The following DEPDC1B variants were observed in gnomAD, a reference collection of about 807,000 sequenced individuals.
The protein encoded by DEPDC1B is DEP domain-containing protein 1B.
In DEPDC1B, 51 loss-of-function variants were observed where a neutral mutation model predicts 66.5. The observed-to-expected ratio is 0.77, with a 90% confidence interval of 0.61 to 0.97. The LOEUF is 0.97. Among genes scored for constraint, DEPDC1B ranks in the 50% least tolerant of loss-of-function variants. The pLI is 0.00. For synonymous variants in DEPDC1B, 226 were observed against 223.6 expected (o/e 1.01, Z -0.10); for missense variants, 552 against 637.1 (o/e 0.87, Z 1.44).
In DEPDC1B at chr5:60,603,568, C is replaced by A; in HGVS notation, c.1066-1G>T. On this transcript the variant is annotated splice_acceptor_variant, in intron 8 of 10. Transcript: ENST00000265036. LOFTEE classifies it high-confidence loss of function. ...TGCAACGGGAAAATGTCTGAACCAT[C>A]TAAAAAAAGAGCGGGGTGGGGGGTA... The A allele has an allele frequency of 1.9e-6, 3 of 1,582,938 alleles. No individual in the cohort carries two copies. The highest frequency in any genetic ancestry group is 1.9e-5 in the Admixed American group (1 of 52,164).
chr5:60,691,380 C>G (rs1480945153), intron 1 of DEPDC1B, among the ~76,000 whole-genome samples: 1 of 152,044 alleles, frequency 6.6e-6, no homozygotes, highest in East Asian at 1.9e-4. Flanking sequence ...TAACCAACTT[C>G]TCAACCTCAA....
rs1561383814 is a variant in DEPDC1B at position 60,667,614 on chromosome 5, T to TG, written c.314+19347_314+19348insC. Reference sequence around the variant, plus strand: ...TAAAAATGGATATTTTACATATATATAAAAAATGGATATTTTACATATATG... The same window carrying TG: ...TAAAAATGGATATTTTACATATATATGAAAAAATGGATATTTTACATATATG... On this transcript the variant is annotated intron_variant, in intron 2 of 10. Coordinates refer to ENST00000265036, the MANE Select transcript of DEPDC1B (RefSeq NM_018369.3). Among the ~76,000 whole-genome samples the TG allele has an allele frequency of 2.2e-4, 31 of 141,826 alleles. 2 individuals are homozygous for TG. Among genetic ancestry groups the TG allele is most frequent in the African/African-American group, 8.4e-4 (31 of 36,922 alleles). The allele number at this position is 141,826 out of a possible 152,430, so 93.0% of individuals were successfully genotyped here. A position where few individuals can be genotyped will look rare whatever the true frequency, so the allele number is the denominator to read the frequency against.
At chr5:60,613,828 G>GTGTGTGTGTATA (rs3989094) in intron 7 of DEPDC1B, among the ~76,000 whole-genome samples, 2,140 of 144,454 alleles carry the variant, frequency 0.015, 32 homozygotes, top group Middle Eastern at 0.024. Context: ...GTGTGTGTGT[G>GTGTGTGTGTATA]TATACATAAA....
chr5:60,638,483 T>C (rs987931000), intron 7 of DEPDC1B, among the ~76,000 whole-genome samples: 1 of 152,198 alleles, frequency 6.6e-6, no homozygotes, highest in African/African-American at 2.4e-5. Flanking sequence ...TTATAGTCTT[T>C]TGAATAAAAG....
At chr5:60,660,890 G>A (rs181056971) in intron 2 of DEPDC1B, among the ~76,000 whole-genome samples, 12 of 152,308 alleles carry the variant, frequency 7.9e-5, no homozygotes, top group Admixed American at 7.2e-4. Context: ...TTCCTCCCAG[G>A]TGATTAAGGA....
chr5:60,657,107 T>C (rs552827854), intron 2 of DEPDC1B, among the ~76,000 whole-genome samples: 4 of 152,374 alleles, frequency 2.6e-5, no homozygotes, highest in African/African-American at 9.6e-5. Context: ...TAAGAACAGC[T>C]ACTCCTGCTC....
In DEPDC1B at chr5:60,611,432, C is replaced by T. The variant is rs145196215; in HGVS notation, c.899-5576G>A. ...GTGTTCAAGTGAAAGAAGAGTCACA[C>T]ATCTGTCACCTTAAATCAAAAGAAA... On this transcript the variant is annotated intron_variant, in intron 7 of 10. Transcript: ENST00000265036. Among the ~76,000 whole-genome samples, 74 of 152,300 alleles carry T rather than the reference C, an allele frequency of 4.9e-4. No homozygotes were observed. The East Asian group carries it at 0.012, about 25-fold the overall frequency.
intron 3 of DEPDC1B, among the ~76,000 whole-genome samples, chr5:60,647,007 A>G (rs1753332915): frequency 6.6e-6 from 1 of 152,274 alleles, no homozygotes; most frequent in South Asian, 2.1e-4. Context: ...TAGCATAATT[A>G]TCTCATTATA....
At chr5:60,675,903 C>CTTTTTTTTTTTTTTTT (rs35113345) in intron 2 of DEPDC1B, among the ~76,000 whole-genome samples, 6 of 138,958 alleles carry the variant, frequency 4.3e-5, no homozygotes, top group Admixed American at 7.2e-5. Flanking sequence ...TTTCTTTTTT[C>CTTTTTTTTTTTTTTTT]TTTTTTTTTT....
At chr5:60,615,937 G>GA (rs1752542670) in intron 7 of DEPDC1B, among the ~76,000 whole-genome samples, 1 of 152,170 alleles carries the variant, frequency 6.6e-6, no homozygotes, top group Admixed American at 6.5e-5. Context: ...ACTCCTCTGA[G>GA]AAAAAACTTC....
intron 7 of DEPDC1B, among the ~76,000 whole-genome samples, chr5:60,626,790 G>C (rs1048647387): frequency 6.6e-6 from 1 of 152,044 alleles, no homozygotes; most frequent in Non-Finnish European, 1.5e-5. Flanking sequence ...GGAATACTGA[G>C]TTTGAGCTGA....
chr5:60,691,899 C>T (rs116573107), intron 1 of DEPDC1B, among the ~76,000 whole-genome samples: 22 of 152,186 alleles, frequency 1.4e-4, no homozygotes, highest in African/African-American at 4.6e-4. Flanking sequence ...ATGTCATTTA[C>T]TATTTACAAG....
At chr5:60,675,674 G>C (rs936032192) in intron 2 of DEPDC1B, among the ~76,000 whole-genome samples, 1 of 152,162 alleles carries the variant, frequency 6.6e-6, no homozygotes, top group African/African-American at 2.4e-5. Flanking sequence ...CAGTTACAGG[G>C]TCTAGCCTGA....
intron 1 of DEPDC1B, among the ~76,000 whole-genome samples, chr5:60,688,271 T>TA (rs1174602297): frequency 1.3e-5 from 2 of 152,066 alleles, no homozygotes; most frequent in African/African-American, 4.8e-5. Context: ...TATATTAGTT[T>TA]AAAACTACCT....
chr5:60,632,560 C>T (rs564819645), intron 7 of DEPDC1B, among the ~76,000 whole-genome samples: 3 of 152,356 alleles, frequency 2.0e-5, no homozygotes, highest in Admixed American at 1.3e-4. Flanking sequence ...CATCTGCCCC[C>T]ACAAGACCAA....
chr5:60,693,421 C>T (rs1754589155), intron 1 of DEPDC1B, among the ~76,000 whole-genome samples: 1 of 152,176 alleles, frequency 6.6e-6, no homozygotes, highest in Non-Finnish European at 1.5e-5. Context: ...TTTAACTTCT[C>T]TACCTATCCA....
chr5:60,635,015 C>T (rs559452771), intron 7 of DEPDC1B, among the ~76,000 whole-genome samples: 22 of 147,550 alleles, frequency 1.5e-4, no homozygotes, highest in South Asian at 1.1e-3. Context: ...GCTGAGATTG[C>T]GCCATTGCAC....
At chr5:60,624,727 T>A (rs975660596) in intron 7 of DEPDC1B, among the ~76,000 whole-genome samples, 1 of 152,092 alleles carries the variant, frequency 6.6e-6, no homozygotes, top group Non-Finnish European at 1.5e-5. Flanking sequence ...ACATGTTATT[T>A]TATTATTATT....
Position 60,699,443 on chromosome 5 carries a change from G to GAAAAAAAAAAAAA in DEPDC1B, c.48+590_48+602dup, listed in dbSNP as rs528758437. Among the ~76,000 whole-genome samples, 223 of 89,350 alleles carry GAAAAAAAAAAAAA rather than the reference G, an allele frequency of 2.5e-3. 37 individuals are homozygous for GAAAAAAAAAAAAA. The highest frequency in any genetic ancestry group is 0.011 in the African/African-American group (196 of 18,178). 58.6% of individuals were successfully genotyped at this position (89,350 alleles called of 152,430 possible). ...CCTCAATACCAAAGCTTTTCTCCCAGAAAAAAAAAAAAAAAAAAACAGGAA... is the reference window on the plus strand; with the variant it reads ...CCTCAATACCAAAGCTTTTCTCCCAGAAAAAAAAAAAAAAAAAAAAAAAAAAAAAAAACAGGAA... On this transcript the variant is annotated intron_variant, in intron 1 of 10. Coordinates refer to ENST00000265036, the MANE Select transcript of DEPDC1B (RefSeq NM_018369.3).
Sources: gnomAD v4.1 joint callset for allele counts (sites outside exome capture counted in the v4.1 genomes callset) on GRCh38, gnomAD v4.1.1 for gene constraint, MANE v1.5 for transcripts, NCBI Gene and HGNC (gene_info 2026-07-23, HGNC 2026-07-21) for gene names.